Variants in BCL7A observed in about 807,000 individuals in gnomAD.
BCL7A encodes the protein BAF chromatin remodeling complex subunit BCL7A.
BCL7A carries 11 observed loss-of-function variants against 28.4 expected under a neutral mutation model. The ratio of observed to expected loss-of-function variants is 0.39; its 90% CI spans 0.24 to 0.64. The LOEUF (loss-of-function observed/expected upper bound fraction) is 0.64. Ranked by LOEUF, BCL7A falls within the 30% of genes least tolerant of loss-of-function variation. The probability of loss-of-function intolerance (pLI) is 0.50; values close to 1 mark genes in which losing one functional copy is unlikely to be tolerated. For missense variants in BCL7A, 222 were observed against 274.8 expected (o/e 0.81, Z 1.36); for synonymous variants, 123 against 103.3 (o/e 1.19, Z -1.15).
At chr12:122,050,305 G>GGT (rs1555223919) in intron 4 of BCL7A, among the ~76,000 whole-genome samples, 24 of 151,694 alleles carry the variant, frequency 1.6e-4, no homozygotes, top group Non-Finnish European at 2.5e-4. Context: ...TTGTGGGGGG[G>GGT]GGGCCATCCT....
intron 1 of BCL7A, among the ~76,000 whole-genome samples, chr12:122,023,851 T>C (rs1883541116): frequency 6.6e-6 from 1 of 152,272 alleles, no homozygotes; most frequent in African/African-American, 2.4e-5. Flanking sequence ...TCAGCCCCTG[T>C]GCAAAGAAAG....
At chr12:122,031,416 G>A (rs868058173) in intron 2 of BCL7A, among the ~76,000 whole-genome samples, 1 of 152,106 alleles carries the variant, frequency 6.6e-6, no homozygotes, top group African/African-American at 2.4e-5. Context: ...AGTTAGGCAC[G>A]TTCTCCCCAC....
intron 1 of BCL7A, among the ~76,000 whole-genome samples, chr12:122,026,081 A>T (rs911479988): frequency 1.2e-4 from 18 of 151,708 alleles, no homozygotes; most frequent in African/African-American, 4.4e-4. Flanking sequence ...CATCCTGGCT[A>T]ACAGTGAAAC....
chr12:122,036,619 G>A (rs1420001824), intron 3 of BCL7A, among the ~76,000 whole-genome samples: 7 of 150,366 alleles, frequency 4.7e-5, no homozygotes, highest in African/African-American at 1.3e-4. Context: ...AACACAGAAC[G>A]TTCCGAGCTA....
At chr12:122,058,950 G>T (rs1264825707) in intron 5 of BCL7A, 142 bp from the exon 6 acceptor site, 2 of 644,530 alleles carry the variant, frequency 3.1e-6, no homozygotes, top group East Asian at 5.3e-5. Context: ...TCCACGCTTG[G>T]GCCTCGGGTC....
Position 122,056,423 on chromosome 12 carries a change from C to T in BCL7A, c.561+1497C>T, listed in dbSNP as rs142863032. Among the ~76,000 whole-genome samples the T allele has an allele frequency of 6.7e-3, 1,020 of 152,148 alleles. 7 individuals carry two copies. Among genetic ancestry groups the T allele is most frequent in the African/African-American group, 0.019 (781 of 41,502 alleles). ...TCTTCCACCATTTTCACAGGCACAC[C>T]GACACACATATTGTCCACAGAGCTA... On this transcript the variant is annotated intron_variant, in intron 5 of 5. Transcript: ENST00000261822.
At position 122,030,689 on chromosome 12, in the gene BCL7A, ATCC is replaced by A; in HGVS notation, c.93-5_93-3del. ...AGTCCCCGGTAACAGGCTCTTCCTC[ATCC>A]TCCTCAGGGAGAAGAAATGGGTGAC... On this transcript the variant is annotated splice_region_variant and splice_polypyrimidine_tract_variant and intron_variant, in intron 1 of 5. Transcript: ENST00000261822. 6.2e-7 allele frequency: 1 copy of A among 1,612,960 alleles called. No individual in the cohort carries two copies. Among genetic ancestry groups the A allele is most frequent in the Non-Finnish European group, 8.5e-7 (1 of 1,178,988 alleles).
At chr12:122,024,462 G>GT (rs59459424) in intron 1 of BCL7A, among the ~76,000 whole-genome samples, 15,862 of 88,660 alleles carry the variant, frequency 0.18, 1,526 homozygotes, top group African/African-American at 0.4. Context: ...GAGGTTTTTT[G>GT]TTTTTTTTTT....
chr12:122,046,189 T>C (rs1884073452), intron 4 of BCL7A, among the ~76,000 whole-genome samples: 1 of 151,664 alleles, frequency 6.6e-6, no homozygotes, highest in African/African-American at 2.4e-5. Context: ...GGGGAGAGCC[T>C]GTGTTGGGCA....
intron 5 of BCL7A, among the ~76,000 whole-genome samples, chr12:122,057,060 C>G (rs1329126949): frequency 3.9e-5 from 6 of 152,224 alleles, no homozygotes; most frequent in South Asian, 2.1e-4. Context: ...ACAAGTAGGT[C>G]ACAGAGTCCC....
chr12:122,023,303 G>A (rs536468652), intron 1 of BCL7A, among the ~76,000 whole-genome samples: 1 of 152,314 alleles, frequency 6.6e-6, no homozygotes, highest in Non-Finnish European at 1.5e-5. Context: ...CGCAACGCTG[G>A]CTCTGAGTGT....
chr12:122,054,700 C>T, intron 4 of BCL7A, 105 bp from the exon 5 acceptor site: 2 of 1,174,276 alleles, frequency 1.7e-6, no homozygotes, highest in Non-Finnish European at 2.4e-6. Context: ...TCAAAGACCA[C>T]TGGCCCCAAA....
intron 3 of BCL7A, among the ~76,000 whole-genome samples, chr12:122,043,258 C>T (rs1034118376): frequency 2.4e-4 from 36 of 152,136 alleles, no homozygotes; most frequent in African/African-American, 7.9e-4. Context: ...CCTCAAATGT[C>T]CCCCCAGGAT....
At chr12:122,040,451 T>A (rs1463739586) in intron 3 of BCL7A, among the ~76,000 whole-genome samples, 2 of 148,780 alleles carry the variant, frequency 1.3e-5, no homozygotes, top group Admixed American at 1.4e-4. Flanking sequence ...GAAAATCCCT[T>A]GAATCGGGAA....
chr12:122,036,624 G>A (rs947123047), intron 3 of BCL7A, among the ~76,000 whole-genome samples: 3 of 149,486 alleles, frequency 2.0e-5, no homozygotes, highest in Non-Finnish European at 2.9e-5. Context: ...AGAACGTTCC[G>A]AGCTAGTCCC....
At chr12:122,048,618 G>A (rs949233588) in intron 4 of BCL7A, among the ~76,000 whole-genome samples, 1 of 152,162 alleles carries the variant, frequency 6.6e-6, no homozygotes, top group African/African-American at 2.4e-5. Context: ...GGATGTGGTA[G>A]TACATGCCTG....
At chr12:122,025,653 A>G (rs1883610410) in intron 1 of BCL7A, among the ~76,000 whole-genome samples, 1 of 149,442 alleles carries the variant, frequency 6.7e-6, no homozygotes, top group African/African-American at 2.5e-5. Context: ...AAGAAGAAAA[A>G]AGAAAAATTA....
At chr12:122,035,451 C>G (rs368086195) in intron 3 of BCL7A, 24 bp downstream of exon 3, 240 of 1,597,822 alleles carry the variant, frequency 1.5e-4, no homozygotes, top group Non-Finnish European at 2.0e-4. Context: ...GCCTGCCAGC[C>G]TCTCCTGCCC....
chr12:122,044,647 A>G (rs1884034787), intron 4 of BCL7A, among the ~76,000 whole-genome samples: 2 of 152,100 alleles, frequency 1.3e-5, no homozygotes, highest in African/African-American at 2.4e-5. Flanking sequence ...GCATAGCAAG[A>G]CCCTGTCTCT....
Sources: allele counts gnomAD v4.1 joint callset (sites outside exome capture counted in the v4.1 genomes callset), GRCh38; gene constraint gnomAD v4.1.1; transcripts MANE v1.5; gene names NCBI Gene and HGNC (gene_info 2026-07-23, HGNC 2026-07-21).